The following ALK variants were observed in gnomAD, a reference collection of about 807,000 sequenced individuals.
ALK encodes the protein ALK tyrosine kinase receptor.
Under a neutral mutation model 163.1 loss-of-function variants are expected in ALK, and 74 were observed. The ratio of observed to expected loss-of-function variants is 0.45; its 90% confidence interval spans 0.38 to 0.55. The LOEUF (loss-of-function observed/expected upper bound fraction) is 0.55. ALK is among the 20% of genes least tolerant of loss of function. The pLI, the probability that ALK is intolerant of heterozygous loss-of-function variation, is 0.00. For synonymous variants in ALK, 960 were observed against 843.2 expected (o/e 1.14, Z -2.40); for missense variants, 2,063 against 2,105.3 (o/e 0.98, Z 0.39).
At chr2:29,730,166 G>A (rs1679696813) in intron 1 of ALK, among the ~76,000 whole-genome samples, 2 of 152,200 alleles carry the variant, frequency 1.3e-5, no homozygotes, top group Non-Finnish European at 2.9e-5. Flanking sequence ...GAAAGCAAAG[G>A]CTGTCCTTAG....
At chr2:29,258,170 C>G (rs7572088) in intron 11 of ALK, among the ~76,000 whole-genome samples, 95,388 of 152,048 alleles carry the variant, frequency 0.63, 32,156 homozygotes, top group East Asian at 0.79. Flanking sequence ...GGCTATTTGA[C>G]TGCAGCATTT....
chr2:29,810,516 ACTTGAAT>A (rs570017512), intron 1 of ALK, among the ~76,000 whole-genome samples: 28 of 152,008 alleles, frequency 1.8e-4, no homozygotes, highest in African/African-American at 6.5e-4. Flanking sequence ...GTTGGGTATG[ACTTGAAT>A]CTTGAATAAC....
rs1669823424 is a variant in ALK at position 29,222,289 on chromosome 2, A to G, written c.3515+55T>C. 5.2e-6 allele frequency: 8 copies of G among 1,535,230 alleles called. No homozygotes were observed. The South Asian group carries it at 6.8e-5, about 13-fold the overall frequency. ...ATATCGATCTGTTAGAAACCTCTCC[A>G]GGTTCTTTGGGGGCAGAGGGGAGTT... On this transcript the variant is annotated intron_variant, in intron 22 of 28. Coordinates refer to ENST00000389048, the MANE Select transcript of ALK (RefSeq NM_004304.5).
chr2:29,759,871 C>T (rs942265337), intron 1 of ALK, among the ~76,000 whole-genome samples: 1 of 152,154 alleles, frequency 6.6e-6, no homozygotes, highest in African/African-American at 2.4e-5. Flanking sequence ...CCTAAGGGTA[C>T]AAATAATAGC....
At chr2:29,705,414 T>A (rs1241741642) in intron 2 of ALK, among the ~76,000 whole-genome samples, 1 of 151,224 alleles carries the variant, frequency 6.6e-6, no homozygotes, top group Non-Finnish European at 1.5e-5. Context: ...CACTGTGTCT[T>A]CCTCTGCCTC....
chr2:29,710,146 C>G (rs1465355650), intron 2 of ALK, among the ~76,000 whole-genome samples: 1 of 152,176 alleles, frequency 6.6e-6, no homozygotes, highest in Non-Finnish European at 1.5e-5. Context: ...TGCACATGCT[C>G]TCTTTGCCTG....
At chr2:29,464,723 G>C (rs1446655519) in intron 4 of ALK, among the ~76,000 whole-genome samples, 1 of 152,190 alleles carries the variant, frequency 6.6e-6, no homozygotes, top group Non-Finnish European at 1.5e-5. Flanking sequence ...GAAATGAGGG[G>C]AAGGTGCTAT....
At chr2:29,216,744 TG>T (rs1167049131) in intron 23 of ALK, among the ~76,000 whole-genome samples, 7 of 151,550 alleles carry the variant, frequency 4.6e-5, no homozygotes, top group African/African-American at 1.7e-4. Context: ...TTGTGTTTTG[TG>T]TACGTGTGTG....
chr2:29,832,653 T>A (rs1186912464), intron 1 of ALK, among the ~76,000 whole-genome samples: 1 of 152,212 alleles, frequency 6.6e-6, no homozygotes, highest in Admixed American at 6.5e-5. Context: ...CTTCAGCACA[T>A]TGGGCAAACC....
At chr2:29,894,749 G>C (rs1667225504) in intron 1 of ALK, among the ~76,000 whole-genome samples, 1 of 151,708 alleles carries the variant, frequency 6.6e-6, no homozygotes, top group Non-Finnish European at 1.5e-5. Context: ...CTGTGATTCT[G>C]GACTCCCTTT....
rs1467208566 is a variant in ALK at position 29,251,085 on chromosome 2, T to G, written c.2204+20A>C. 6.2e-7 allele frequency: 1 copy of G among 1,611,066 alleles called. No individual in the cohort carries two copies. Among genetic ancestry groups the G allele is most frequent in the Non-Finnish European group, 8.5e-7 (1 of 1,178,430 alleles). ...CGGAAGGGGTGGTCTGCCCCTCCCC[T>G]CCCCCTCTTCCATACGCACCTGTAG... is the stretch of plus-strand genomic sequence containing the variant. On this transcript the variant is annotated intron_variant, in intron 12 of 28. Coordinates refer to ENST00000389048, the MANE Select transcript of ALK (RefSeq NM_004304.5).
intron 1 of ALK, among the ~76,000 whole-genome samples, chr2:29,808,278 C>T (rs1664669971): frequency 6.6e-6 from 1 of 152,094 alleles, no homozygotes; most frequent in South Asian, 2.1e-4. Flanking sequence ...ATGACTTGCC[C>T]ATAGTGTCAC....
chr2:29,318,498 G>A, intron 7 of ALK, 94 bp from the exon 8 acceptor site: 1 of 863,978 alleles, frequency 1.2e-6, no homozygotes, highest in Non-Finnish European at 2.0e-6. Flanking sequence ...TTCTTATCTA[G>A]CCTAGGGATA....
At chr2:29,307,462 C>T (rs1666556373) in intron 8 of ALK, among the ~76,000 whole-genome samples, 1 of 152,102 alleles carries the variant, frequency 6.6e-6, no homozygotes, top group Non-Finnish European at 1.5e-5. Context: ...CTGGGTATTC[C>T]CCATCCAGTC....
intron 3 of ALK, among the ~76,000 whole-genome samples, chr2:29,649,014 T>C (rs1322046021): frequency 6.6e-6 from 1 of 152,198 alleles, no homozygotes; most frequent in Non-Finnish European, 1.5e-5. Flanking sequence ...ATTGCAGATG[T>C]TAATGCAGAT....
intron 8 of ALK, among the ~76,000 whole-genome samples, chr2:29,303,422 A>G (rs958872436): frequency 1.3e-5 from 2 of 152,234 alleles, no homozygotes; most frequent in Admixed American, 1.3e-4. Context: ...GAATGCTTAC[A>G]CACTGTTGGT....
At position 29,784,713 on chromosome 2, in the gene ALK, A is replaced by AAC. The variant is rs145281816; in HGVS notation, c.668-67017_668-67016insGT. Reference sequence around the variant, plus strand: ...TCCGTCTCAACAACAACAACAACAAAAACAACAACAACAACAACAACAAAG... The same window carrying AAC: ...TCCGTCTCAACAACAACAACAACAAAACAACAACAACAACAACAACAACAAAG... On this transcript the variant is annotated intron_variant, in intron 1 of 28. Transcript: ENST00000389048. Among the ~76,000 whole-genome samples, 14 of 150,850 alleles carry AAC rather than the reference A, an allele frequency of 9.3e-5. No individual in the cohort carries two copies. The South Asian group carries it at 1.1e-3, about 11-fold the overall frequency.
chr2:29,778,065 C>T (rs529331044), intron 1 of ALK, among the ~76,000 whole-genome samples: 13 of 152,182 alleles, frequency 8.5e-5, no homozygotes, highest in Non-Finnish European at 1.5e-4. Flanking sequence ...TACAAACACA[C>T]CAGAATTACT....
At chr2:29,917,750 T>C (rs1452302948) in intron 1 of ALK, among the ~76,000 whole-genome samples, 8 of 152,232 alleles carry the variant, frequency 5.3e-5, no homozygotes, top group African/African-American at 1.7e-4. Flanking sequence ...GCTGGCTGTC[T>C]CTCTGGAGGT....
Sources: gnomAD v4.1 joint callset for allele counts (sites outside exome capture counted in the v4.1 genomes callset) on GRCh38, gnomAD v4.1.1 for gene constraint, MANE v1.5 for transcripts, NCBI Gene and HGNC (gene_info 2026-07-23, HGNC 2026-07-21) for gene names.